Variants in UBR4 observed in about 807,000 individuals in gnomAD.
The protein encoded by UBR4 is ubiquitin protein ligase E3 component n-recognin 4.
Under a neutral mutation model 575.6 loss-of-function variants are expected in UBR4, and 124 were observed. The observed-to-expected ratio is 0.22, with a 90% CI of 0.19 to 0.25. The LOEUF (loss-of-function observed/expected upper bound fraction) is 0.25, where lower values mean the gene tolerates loss of function less well. Among genes scored for constraint, UBR4 ranks in the 10% least tolerant of loss-of-function variants. The pLI, the probability that UBR4 is intolerant of heterozygous loss-of-function variation, is 1.00. For missense variants in UBR4, 4,818 were observed against 6,478.8 expected (o/e 0.74, Z 8.80); for synonymous variants, 2,455 against 2,473.7 (o/e 0.99, Z 0.22).
rs1266750329 is a variant in UBR4, at chr1:19,145,847, T to C, written c.7891A>G (p.Lys2631Glu). 1.2e-6 allele frequency: 2 copies of C among 1,614,204 alleles called. No homozygotes were observed. Among genetic ancestry groups the C allele is most frequent in the Non-Finnish European group, 1.7e-6 (2 of 1,180,028 alleles). ...TTCTTGGGTTTGGATGCATGGAGTT[T>C]CCAGAAGTGGTTCACAAGCTGGGTG... ...FITQLVNHFW[K>E]LHASKPKNAF... is the part of the protein sequence containing the mutation. The change falls in exon 53 of 106, where the codon AAA becomes GAA. Residue 2631 changes from lysine to glutamate, a missense_variant. Lys to Glu is a moderately conservative substitution (Grantham distance 56). Around this residue, in one of 29 missense-constraint regions of UBR4, gnomAD observed 340 missense variants for 375.4 expected, o/e 0.91. Transcript: ENST00000375254.
chr1:19,190,312 A>AAAAAAAAAGATATATAT, intron 11 of UBR4, among the ~76,000 whole-genome samples: 1 of 79,922 alleles, frequency 1.3e-5, no homozygotes, highest in Non-Finnish European at 2.3e-5. Flanking sequence ...AAAAAAAAAA[A>AAAAAAAAAGATATATAT]ATATATATAT....
At position 19,154,954 on chromosome 1, in the gene UBR4, A is replaced by G; in HGVS notation, c.6422T>C (p.Leu2141Pro). The change falls in exon 44 of 106, where the codon CTG becomes CCG. Residue 2141 changes from leucine to proline, a missense_variant. Physicochemically the swap from Leu to Pro is moderately conservative, Grantham distance 98 (BLOSUM62 -3). Coordinates refer to ENST00000375254, the MANE Select transcript of UBR4 (RefSeq NM_020765.3). Reference sequence around the variant, plus strand: ...GATGGGGAAGAGTTGCAACACCTCCAGGGTTGTCCTGCTGATGGTGGCTGC... The same window carrying G: ...GATGGGGAAGAGTTGCAACACCTCCGGGGTTGTCCTGCTGATGGTGGCTGC... ...SFAATISRTT[L>P]EVLQLFPINI... is the part of the protein sequence containing the mutation. 1 of 1,614,198 alleles carries G rather than the reference A, an allele frequency of 6.2e-7. No individual in the cohort carries two copies. Among genetic ancestry groups the G allele is most frequent in the South Asian group, 1.1e-5 (1 of 91,086 alleles).
chr1:19,106,015 G>A (rs1252185290), intron 83 of UBR4, among the ~76,000 whole-genome samples, 173 bp from the exon 84 acceptor site: 1 of 152,158 alleles, frequency 6.6e-6, no homozygotes, highest in African/African-American at 2.4e-5. Context: ...TGTTTTAGAT[G>A]GGGAAAGGGG....
rs536655072 is a variant in UBR4 at position 19,144,123 on chromosome 1, C to T, written c.8068-32G>A. On this transcript the variant is annotated intron_variant, in intron 54 of 105. Coordinates refer to ENST00000375254, the MANE Select transcript of UBR4 (RefSeq NM_020765.3). ...TTTAAAAGGAAACTGTCACGCTTTG[C>T]TCTCATATTATTCATGAAACTCTCT... The T allele has an allele frequency of 1.3e-5, 21 of 1,586,988 alleles. No homozygotes were observed. In the South Asian group the frequency reaches 2.2e-4, roughly 17 times the overall value.
At chr1:19,120,064 C>G in intron 69 of UBR4, 116 bp downstream of exon 69, 1 of 1,248,890 alleles carries the variant, frequency 8.0e-7, no homozygotes, top group Non-Finnish European at 1.1e-6. Context: ...CAAGAGGATT[C>G]AGGCTGGCGT....
At chr1:19,155,145 G>T in intron 43 of UBR4, 70 bp from the exon 44 acceptor site, 1 of 1,587,080 alleles carries the variant, frequency 6.3e-7, no homozygotes, top group Middle Eastern at 2.2e-4. Context: ...GTTTATACTG[G>T]TTATTATTTT....
At chr1:19,106,153 C>T (rs987796650) in intron 83 of UBR4, among the ~76,000 whole-genome samples, 15 of 152,104 alleles carry the variant, frequency 9.9e-5, no homozygotes, top group Non-Finnish European at 5.9e-5. Flanking sequence ...TTTTTGGGGA[C>T]ACTTATATGC....
rs759808188 is a variant in UBR4, at chr1:19,112,569, G to A, written c.11756C>T (p.Ala3919Val). ...CTGGCGGACCTCCTCCCGCATGGCCGCAGCCCCTCGGCGAAGATTATAATC... is the reference window on the plus strand; with the variant it reads ...CTGGCGGACCTCCTCCCGCATGGCCACAGCCCCTCGGCGAAGATTATAATC... ...LFDYNLRRGA[A>V]AMREEVRQLM... is the part of the protein sequence containing the mutation. Residue 3919 changes from alanine (A) to valine (V), a missense_variant, in exon 78 of 106, where the codon GCG (alanine) becomes GTG (valine). Ala to Val is a moderately conservative substitution (Grantham distance 64). Transcript: ENST00000375254. 1.1e-5 allele frequency: 17 copies of A among 1,613,938 alleles called. No homozygotes were observed. The highest frequency in any genetic ancestry group is 1.6e-4 in the Middle Eastern group (1 of 6,084).
At chr1:19,127,031 A>G (rs1196080770) in intron 63 of UBR4, among the ~76,000 whole-genome samples, 1 of 152,222 alleles carries the variant, frequency 6.6e-6, no homozygotes, top group Non-Finnish European at 1.5e-5. Context: ...ACTTTCCATT[A>G]TAGGCACTTC....
chr1:19,191,268 G>A (rs1039914429), intron 11 of UBR4, among the ~76,000 whole-genome samples: 2 of 152,062 alleles, frequency 1.3e-5, no homozygotes, highest in Non-Finnish European at 2.9e-5. Context: ...CCAAGAGTTC[G>A]AGACCCTGCC....
rs2078571769 is a variant in UBR4, at chr1:19,100,983, A to G, written c.13024-410T>C. The stretch of plus-strand genomic sequence containing the variant: ...CTGAAGTCAAGAAAAGGGCTTCTCT[A>G]TGGGACATGACACTCAGGTACACAC... On this transcript the variant is annotated intron_variant, in intron 88 of 105. Coordinates refer to ENST00000375254, the MANE Select transcript of UBR4 (RefSeq NM_020765.3). The surrounding 1 kb of genome is among the most constrained non-coding windows in gnomAD (Gnocchi z 4.2). 6.6e-6 allele frequency among the ~76,000 whole-genome samples: 1 copy of G among 152,056 alleles called. No homozygotes were observed. The highest frequency in any genetic ancestry group is 6.5e-5 in the Admixed American group (1 of 15,272).
In UBR4 at chr1:19,173,453, C is replaced by G; in HGVS notation, c.3151G>C (p.Val1051Leu). The G allele has an allele frequency of 6.2e-7, 1 of 1,614,100 alleles. No homozygotes were observed. Among genetic ancestry groups the G allele is most frequent in the East Asian group, 2.2e-5 (1 of 44,858 alleles). ...CTCTGTGTTACCTTTATCCAGTTGACATAGGAGCTGATCCGGAGCCGAGAA... is the reference window on the plus strand; with the variant it reads ...CTCTGTGTTACCTTTATCCAGTTGAGATAGGAGCTGATCCGGAGCCGAGAA... ...WSSRLRISSY[V>L]NWIKDHLIKQ... Residue 1051 changes from valine to leucine, a missense_variant, in exon 23 of 106, where the codon GTC becomes CTC. Val to Leu is a conservative substitution (Grantham distance 32, BLOSUM62 1). Around this residue, in one of 29 missense-constraint regions of UBR4, gnomAD observed 1,172 missense variants for 1,259.7 expected, o/e 0.93. Transcript: ENST00000375254.
chr1:19,081,150 G>A, intron 103 of UBR4, 199 bp downstream of exon 103: 1 of 546,416 alleles, frequency 1.8e-6, no homozygotes, highest in Non-Finnish European at 3.2e-6. Flanking sequence ...TAGCGGAACA[G>A]AAAACCCAGA....
intron 27 of UBR4, among the ~76,000 whole-genome samples, 162 bp downstream of exon 27, chr1:19,169,273 G>C (rs2089105579): frequency 6.6e-6 from 1 of 152,130 alleles, no homozygotes; most frequent in South Asian, 2.1e-4. Flanking sequence ...GAACCAACTA[G>C]GTGATTAAAT....
At chr1:19,143,913 T>C (rs1044506477) in intron 55 of UBR4, 67 bp downstream of exon 55, 34 of 1,461,030 alleles carry the variant, frequency 2.3e-5, no homozygotes, top group Non-Finnish European at 2.4e-5. Flanking sequence ...TGCCCAATGC[T>C]ACTGTACCTC....
chr1:19,097,089 G>T, intron 91 of UBR4, 104 bp downstream of exon 91: 1 of 868,182 alleles, frequency 1.2e-6, no homozygotes, highest in Non-Finnish European at 1.7e-6. Flanking sequence ...CAATTCTGAT[G>T]CAGAGGTACA....
intron 93 of UBR4, 60 bp downstream of exon 93, chr1:19,095,485 G>A: frequency 6.7e-7 from 1 of 1,501,592 alleles, no homozygotes; most frequent in Non-Finnish European, 9.3e-7. Flanking sequence ...GAACTGAGAG[G>A]TCTTTCACAC....
chr1:19,076,931 G>A lies in UBR4; in HGVS notation c.15325-29C>T. ...CGAGAATCAACAGGAGACAAGAGAGGTGGGTGACTTACTGCTGCCTCATCT... is the reference window on the plus strand; with the variant it reads ...CGAGAATCAACAGGAGACAAGAGAGATGGGTGACTTACTGCTGCCTCATCT... On this transcript the variant is annotated intron_variant, in intron 104 of 105. Coordinates refer to ENST00000375254, the MANE Select transcript of UBR4 (RefSeq NM_020765.3). 3.3e-6 allele frequency: 5 copies of A among 1,524,294 alleles called. No homozygotes were observed. The Middle Eastern group carries it at 8.9e-4, about 271-fold the overall frequency. 94.4% of individuals were successfully genotyped at this position (1,524,294 alleles called of 1,614,324 possible). A position where few individuals can be genotyped will look rare whatever the true frequency, so the allele number is the denominator to read the frequency against.
Position 19,114,856 on chromosome 1 carries a change from A to T in UBR4, c.11157T>A (p.Pro3719=). Residue 3719 remains proline (P), a synonymous_variant, in exon 75 of 106, where the codon CCT becomes CCA. Coordinates refer to ENST00000375254, the MANE Select transcript of UBR4 (RefSeq NM_020765.3). The stretch of plus-strand genomic sequence containing the variant: ...TCTCAATGGGATCCACTGCACAGCA[A>T]GGCTTGGCATAGAGCATGAAGTCGA... The part of the protein sequence containing the change: ...ARFDFMLYAK[P]CCAVDPIENE... The T allele has an allele frequency of 6.2e-6, 10 of 1,614,218 alleles. No individual in the cohort carries two copies. Among genetic ancestry groups the T allele is most frequent in the Non-Finnish European group, 8.5e-6 (10 of 1,180,034 alleles).
Sources: gnomAD v4.1 joint callset for allele counts (sites outside exome capture counted in the v4.1 genomes callset) on GRCh38, gnomAD v4.1.1 for gene constraint, gnomAD v4.1.1 regional missense constraint, Gnocchi (gnomAD v3.1) non-coding constraint, MANE v1.5 for transcripts, NCBI Gene and HGNC (gene_info 2026-07-23, HGNC 2026-07-21) for gene names.